The following RTKN variants were observed in gnomAD, a reference collection of about 807,000 sequenced individuals.
The protein encoded by RTKN is rhotekin.
Under a neutral mutation model 63.5 loss-of-function variants are expected in RTKN, and 49 were observed. The observed-to-expected ratio is 0.77, with a 90% CI of 0.61 to 0.98. The LOEUF (loss-of-function observed/expected upper bound fraction) is 0.98. Ranked by LOEUF, RTKN falls within the 50% of genes least tolerant of loss-of-function variation. The pLI is 0.00. For missense variants in RTKN, 685 were observed against 740.8 expected (o/e 0.92, Z 0.87); for synonymous variants, 295 against 290.4 (o/e 1.02, Z -0.16).
chr2:74,441,161 T>C (rs1462325060), intron 1 of RTKN, among the ~76,000 whole-genome samples: 1 of 152,174 alleles, frequency 6.6e-6, no homozygotes, highest in African/African-American at 2.4e-5. Context: ...AAATTTTGCG[T>C]GTGGGAAGTA....
In RTKN at chr2:74,429,871, C is replaced by A. The variant is rs1295225805; in HGVS notation, c.712G>T (p.Gly238Cys). Residue 238 changes from glycine to cysteine, a missense_variant, in exon 6 of 12, where the codon GGT becomes TGT. Gly to Cys is a radical substitution (Grantham distance 159). Coordinates refer to ENST00000272430, the MANE Select transcript of RTKN (RefSeq NM_001015055.2). ...AGCAAGATGGGACTGCTCCCTGAAC[C>A]CCCAGCACTGTCCAGCGATGCCCGG... ...RVRASLDSAG[G>C]SGSSPILLPT... 6 of 1,614,084 alleles carry A rather than the reference C, an allele frequency of 3.7e-6. No homozygotes were observed. The highest frequency in any genetic ancestry group is 2.2e-5 in the East Asian group (1 of 44,902).
chr2:74,427,100 C>T (rs1360821912), intron 11 of RTKN, 69 bp downstream of exon 11: 2 of 1,552,912 alleles, frequency 1.3e-6, no homozygotes, highest in Non-Finnish European at 1.8e-6. Flanking sequence ...TTTCCATTAT[C>T]TGGTTTCTCT....
At position 74,425,910 on chromosome 2, in the gene RTKN, G is replaced by A. The variant is rs995825954; in HGVS notation, c.*333C>T. ...CTGTTAAATAACTTTAATGGTTGAT[G>A]TGGGAGTCACAAGGGAGGTATGTTT... is the stretch of plus-strand genomic sequence containing the variant. On this transcript the variant is annotated 3_prime_UTR_variant, in exon 12 of 12. Transcript: ENST00000272430. The A allele has an allele frequency of 6.2e-6, 5 of 804,598 alleles. No individual in the cohort carries two copies. The highest frequency in any genetic ancestry group is 2.7e-5 in the East Asian group (1 of 36,850). 49.8% of individuals were successfully genotyped at this position (804,598 alleles called of 1,614,324 possible). A position where few individuals can be genotyped will look rare whatever the true frequency, so the allele number is the denominator to read the frequency against.
chr2:74,432,503 C>A lies in RTKN; in HGVS notation c.275G>T (p.Arg92Leu), dbSNP rs769052248. The A allele has an allele frequency of 1.9e-6, 3 of 1,612,716 alleles. No individual in the cohort carries two copies. The highest frequency in any genetic ancestry group is 4.5e-5 in the East Asian group (2 of 44,878). The change falls in exon 2 of 12, where the codon CGC becomes CTC. Residue 92 changes from arginine (R) to leucine (L), a missense_variant. Arg to Leu is a moderately radical substitution (Grantham distance 102, BLOSUM62 -2). Coordinates refer to ENST00000272430, the MANE Select transcript of RTKN (RefSeq NM_001015055.2). ...CTTCCCCAGCACCTGCGCCTCCTTG[C>A]GCCGCTGCAGCTCGCCCATGTAGCT... ...ILSYMGELQRRKEAQVLGKTS... is the reference protein window; with the variant it reads ...ILSYMGELQRLKEAQVLGKTS...
chr2:74,428,192 C>T (rs1323273146), intron 9 of RTKN, 76 bp downstream of exon 9: 1 of 1,598,866 alleles, frequency 6.3e-7, no homozygotes, highest in East Asian at 2.2e-5. Flanking sequence ...GAGGTATGTG[C>T]CCACCCTCCT....
chr2:74,429,154 C>T lies in RTKN; in HGVS notation c.756-212G>A, dbSNP rs1162178566. 2.0e-5 allele frequency among the ~76,000 whole-genome samples: 3 copies of T among 152,302 alleles called. No homozygotes were observed. In the East Asian group the frequency reaches 5.8e-4, roughly 29 times the overall value. On this transcript the variant is annotated intron_variant, in intron 6 of 11. Coordinates refer to ENST00000272430, the MANE Select transcript of RTKN (RefSeq NM_001015055.2). ...TTATCCCACTGTATTCCTATGACAG[C>T]CCTGTGAGGTTGGTGGCATTCTTCA... is the stretch of plus-strand genomic sequence containing the variant.
Position 74,441,693 on chromosome 2 carries a change from G to A in RTKN, c.111+13C>T. The A allele has an allele frequency of 6.3e-7, 1 of 1,594,506 alleles. No individual in the cohort carries two copies. The highest frequency in any genetic ancestry group is 8.6e-7 in the Non-Finnish European group (1 of 1,167,828). The stretch of plus-strand genomic sequence containing the variant: ...AGCCGCGGAAGGGGAAGGCAGGGAC[G>A]CGAGTCTCTCACCTCGGGCAGGTCG... On this transcript the variant is annotated intron_variant, in intron 1 of 11. Coordinates refer to ENST00000272430, the MANE Select transcript of RTKN (RefSeq NM_001015055.2).
At chr2:74,440,152 A>T in intron 1 of RTKN, 1 of 418,396 alleles carries the variant, frequency 2.4e-6, no homozygotes, top group Non-Finnish European at 3.3e-6. Flanking sequence ...TGGGGTTTGC[A>T]GGAGGTTGGA....
At chr2:74,439,953 G>A (rs1028191631) in intron 1 of RTKN, 4 of 1,130,626 alleles carry the variant, frequency 3.5e-6, no homozygotes, top group South Asian at 2.9e-5. Flanking sequence ...GTCCAGTCTC[G>A]CTTTGGTGGC....
chr2:74,432,556 G>A lies in RTKN; in HGVS notation c.222C>T (p.Ser74=). Residue 74 remains serine (S), a synonymous_variant, in exon 2 of 12, where the codon AGC becomes AGT. Coordinates refer to ENST00000272430, the MANE Select transcript of RTKN (RefSeq NM_001015055.2). ...GGATGCGGCTGTTGCACACTAGCAG[G>A]CTCTTGGTGGCCTCCAGAGCCTGCT... ...QREQALEATK[S]LLVCNSRILS... The A allele has an allele frequency of 2.5e-6, 4 of 1,614,060 alleles. No homozygotes were observed. Among genetic ancestry groups the A allele is most frequent in the Non-Finnish European group, 3.4e-6 (4 of 1,180,038 alleles).
Position 74,430,672 on chromosome 2 carries a change from G to A in RTKN, c.317C>T (p.Ser106Phe). The change falls in exon 3 of 12, where the codon TCT becomes TTT. Residue 106 changes from serine to phenylalanine, a missense_variant. Ser to Phe is a radical substitution (Grantham distance 155). Transcript: ENST00000272430. ...QVLGKTSRRP[S>F]DSGPPAERSP... ...GCGCTCAGCGGGCGGGCCACTGTCA[G>A]AAGGCCTGTGGATAAATCACAATGT... is the stretch of plus-strand genomic sequence containing the variant. The A allele has an allele frequency of 1.2e-6, 2 of 1,612,178 alleles. No individual in the cohort carries two copies. Among genetic ancestry groups the A allele is most frequent in the Non-Finnish European group, 1.7e-6 (2 of 1,179,796 alleles).
intron 1 of RTKN, chr2:74,440,069 G>T (rs1442106132): frequency 5.6e-6 from 5 of 896,336 alleles, no homozygotes; most frequent in Non-Finnish European, 5.5e-6. Context: ...ATCTGTGTGC[G>T]GAGAGGGCAG....
At position 74,432,490 on chromosome 2, in the gene RTKN, C is replaced by A; in HGVS notation, c.288G>T (p.Gln96His). 3 of 1,611,530 alleles carry A rather than the reference C, an allele frequency of 1.9e-6. No homozygotes were observed. Among genetic ancestry groups the A allele is most frequent in the Non-Finnish European group, 2.5e-6 (3 of 1,180,004 alleles). Residue 96 changes from glutamine (Q) to histidine (H), a missense_variant, in exon 2 of 12, where the codon CAG (glutamine) becomes CAT (histidine). Coordinates refer to ENST00000272430, the MANE Select transcript of RTKN (RefSeq NM_001015055.2). Reference protein sequence around the residue: ...MGELQRRKEAQVLGKTSRRPS... With the variant: ...MGELQRRKEAHVLGKTSRRPS... The stretch of plus-strand genomic sequence containing the variant: ...ACCGCCGGCTTGTCTTCCCCAGCAC[C>A]TGCGCCTCCTTGCGCCGCTGCAGCT...
At chr2:74,435,485 C>T (rs1174935918) in intron 1 of RTKN, among the ~76,000 whole-genome samples, 1 of 152,144 alleles carries the variant, frequency 6.6e-6, no homozygotes, top group Admixed American at 6.5e-5. Flanking sequence ...CCTGTACTGT[C>T]CAAGGTTGTA....
At chr2:74,433,037 A>G (rs1670845476) in intron 1 of RTKN, among the ~76,000 whole-genome samples, 1 of 152,136 alleles carries the variant, frequency 6.6e-6, no homozygotes, top group Non-Finnish European at 1.5e-5. Context: ...AGGCCAGGAG[A>G]TCGAGACCAT....
intron 1 of RTKN, chr2:74,440,043 G>T (rs1432842827): frequency 9.1e-6 from 9 of 990,380 alleles, no homozygotes; most frequent in Non-Finnish European, 1.1e-5. Context: ...CACATCCCTG[G>T]CCTGGTGGAC....
chr2:74,441,325 C>T (rs536680069), intron 1 of RTKN, among the ~76,000 whole-genome samples: 1 of 152,316 alleles, frequency 6.6e-6, no homozygotes, highest in East Asian at 1.9e-4. Context: ...GACTGGGGAA[C>T]AAGCGGGAGC....
At chr2:74,426,894 C>A in intron 11 of RTKN, 1 of 1,355,546 alleles carries the variant, frequency 7.4e-7, no homozygotes, top group Non-Finnish European at 9.4e-7. Context: ...GACAGGAATC[C>A]ACATGCAGAA....
At chr2:74,435,387 T>A (rs979054053) in intron 1 of RTKN, among the ~76,000 whole-genome samples, 1 of 152,230 alleles carries the variant, frequency 6.6e-6, no homozygotes, top group African/African-American at 2.4e-5. Context: ...GTGCCCAGCA[T>A]GTGGTATACA....
Sources: gnomAD v4.1 joint callset for allele counts (sites outside exome capture counted in the v4.1 genomes callset) on GRCh38, gnomAD v4.1.1 for gene constraint, MANE v1.5 for transcripts, NCBI Gene and HGNC (gene_info 2026-07-23, HGNC 2026-07-21) for gene names.